Variants in DRC9 observed in about 807,000 individuals in gnomAD.
The protein encoded by DRC9 is dynein regulatory complex protein 9.
chr3:197,952,167 T>G, the DRC9 span, among the ~76,000 whole-genome samples: 4 of 126,892 alleles, frequency 3.2e-5, no homozygotes, highest in Admixed American at 7.6e-5. Context: ...TATGGGTTTT[T>G]TTTTTTTTTT....
chr3:197,932,453 TA>T, the DRC9 span: 1 of 478,508 alleles, frequency 2.1e-6, no homozygotes, highest in Non-Finnish European at 3.6e-6. Flanking sequence ...GCCAACATGG[TA>T]AAACCCCATC....
At chr3:197,912,862 A>C in the DRC9 span, 1 of 838,724 alleles carries the variant, frequency 1.2e-6, no homozygotes, top group Admixed American at 1.9e-5. Flanking sequence ...ACCAGCTGGG[A>C]TCCCGGGCTT....
chr3:197,913,341 C>CGTGCGTGCGTGT, the DRC9 span: 4 of 187,554 alleles, frequency 2.1e-5, no homozygotes, highest in African/African-American at 1.1e-4. Context: ...TGCGTGCGTG[C>CGTGCGTGCGTGT]GTGCGTGTGT....
the DRC9 span, chr3:197,914,038 T>G: frequency 6.2e-7 from 1 of 1,613,808 alleles, no homozygotes; most frequent in Non-Finnish European, 8.5e-7. Flanking sequence ...ATACTCATTC[T>G]GACTCTGTAG....
the DRC9 span, among the ~76,000 whole-genome samples, chr3:197,893,843 GTCTCAAA>G: frequency 3.3e-3 from 502 of 151,800 alleles, 3 homozygotes; most frequent in African/African-American, 0.011. Flanking sequence ...GTGAGACTCC[GTCTCAAA>G]AAAAAAGAAA....
chr3:197,914,853 G>A, the DRC9 span, among the ~76,000 whole-genome samples: 4 of 152,152 alleles, frequency 2.6e-5, no homozygotes, highest in Admixed American at 1.3e-4. Flanking sequence ...CTGAAGGACA[G>A]GTAAGCCCAC....
the DRC9 span, among the ~76,000 whole-genome samples, chr3:197,937,973 A>G: frequency 6.6e-6 from 1 of 152,128 alleles, no homozygotes; most frequent in Non-Finnish European, 1.5e-5. Flanking sequence ...GCTGAAGGAA[A>G]AAAAGAAAAA....
the DRC9 span, chr3:197,950,816 C>A: frequency 1.2e-6 from 1 of 834,022 alleles, no homozygotes. Context: ...ATTGTTGTCC[C>A]CGAACTCCTA....
the DRC9 span, among the ~76,000 whole-genome samples, chr3:197,919,656 C>G: frequency 6.6e-6 from 1 of 152,148 alleles, no homozygotes; most frequent in Admixed American, 6.6e-5. Context: ...TCTACCAACT[C>G]GAGTTAATAA....
chr3:197,935,925 T>G, the DRC9 span, among the ~76,000 whole-genome samples: 1 of 152,134 alleles, frequency 6.6e-6, no homozygotes, highest in Non-Finnish European at 1.5e-5. Context: ...TTGCCTGATT[T>G]AGAATTGCAA....
chr3:197,903,568 G>A, the DRC9 span, among the ~76,000 whole-genome samples: 10 of 152,156 alleles, frequency 6.6e-5, no homozygotes, highest in African/African-American at 1.4e-4. Context: ...CCCAGGAGGC[G>A]GAGGTCGCAG....
At chr3:197,936,957 C>T in the DRC9 span, among the ~76,000 whole-genome samples, 4 of 152,100 alleles carry the variant, frequency 2.6e-5, no homozygotes, top group African/African-American at 9.7e-5. Context: ...GGTCGAATAC[C>T]GAGGTCAGCA....
chr3:197,904,896 C>T, the DRC9 span, among the ~76,000 whole-genome samples: 497 of 152,072 alleles, frequency 3.3e-3, 3 homozygotes, highest in African/African-American at 0.011. Flanking sequence ...TAAACAATGG[C>T]GTACTATTCG....
At chr3:197,925,449 G>A in the DRC9 span, among the ~76,000 whole-genome samples, 7 of 151,182 alleles carry the variant, frequency 4.6e-5, no homozygotes, top group Non-Finnish European at 1.0e-4. Context: ...CATCTGTGGG[G>A]GAGGGTGGGG....
the DRC9 span, among the ~76,000 whole-genome samples, chr3:197,894,944 C>T: frequency 6.6e-6 from 1 of 151,978 alleles, no homozygotes; most frequent in African/African-American, 2.4e-5. Context: ...CCTGTGGTCC[C>T]AGCTACTCAG....
the DRC9 span, chr3:197,889,767 ATTCTT>A: frequency 6.2e-7 from 1 of 1,603,214 alleles, no homozygotes; most frequent in Non-Finnish European, 8.5e-7. Flanking sequence ...GACAAGCTGC[ATTCTT>A]TCCACATAAA....
chr3:197,907,702 C>T, the DRC9 span, among the ~76,000 whole-genome samples: 1 of 152,206 alleles, frequency 6.6e-6, no homozygotes, highest in African/African-American at 2.4e-5. Context: ...TGTACCAGGT[C>T]TGAAGAGTGA....
At chr3:197,902,334 G>A in the DRC9 span, among the ~76,000 whole-genome samples, 5 of 152,204 alleles carry the variant, frequency 3.3e-5, no homozygotes, top group East Asian at 7.7e-4. Flanking sequence ...GAAGCATCAA[G>A]ACCATTCAGG....
At chr3:197,919,340 G>T in the DRC9 span, among the ~76,000 whole-genome samples, 1 of 152,224 alleles carries the variant, frequency 6.6e-6, no homozygotes, top group Non-Finnish European at 1.5e-5. Flanking sequence ...CAAGCGAGCG[G>T]AAGTGCTATT....
Sources: allele counts gnomAD v4.1 joint callset (sites outside exome capture counted in the v4.1 genomes callset), GRCh38; gene constraint gnomAD v4.1.1; transcripts MANE v1.5; gene names NCBI Gene and HGNC (gene_info 2026-07-23, HGNC 2026-07-21).